The following PSG8 variants were observed in gnomAD, a reference collection of about 807,000 sequenced individuals.
The protein encoded by PSG8 is pregnancy specific beta-1-glycoprotein 8.
Under a neutral mutation model 42.5 loss-of-function variants are expected in PSG8, and 57 were observed. The ratio of observed to expected loss-of-function variants is 1.34; its 90% confidence interval spans 1.08 to 1.67. The LOEUF (loss-of-function observed/expected upper bound fraction) is 1.67. Ranked by LOEUF, PSG8 falls within the 40% of genes most tolerant of loss-of-function variation. PSG8 has a pLI of 0.00. For synonymous variants in PSG8, 280 were observed against 196.8 expected (o/e 1.42, Z -3.54); for missense variants, 783 against 518.6 (o/e 1.51, Z -4.95).
chr19:42,763,769 G>T, intron 2 of PSG8, 147 bp downstream of exon 2: 3 of 1,452,318 alleles, frequency 2.1e-6, no homozygotes, highest in Non-Finnish European at 1.9e-6. Flanking sequence ...TCTCCTCTGT[G>T]TGTGTCCTGC....
In PSG8 at chr19:42,760,614, A is replaced by G. The variant is rs867306243; in HGVS notation, c.431-2334T>C. On this transcript the variant is annotated intron_variant, in intron 2 of 4. Coordinates refer to ENST00000306511, the MANE Select transcript of PSG8 (RefSeq NM_182707.3). ...TTTTTTTTTTCTGAGACAGAGTCTC[A>G]CTCTGTCACCCTGGCTGGAGTGCAG... 7.3e-5 allele frequency among the ~76,000 whole-genome samples: 11 copies of G among 151,442 alleles called. No individual in the cohort carries two copies. The Middle Eastern group carries it at 0.01, about 141-fold the overall frequency.
intron 2 of PSG8, chr19:42,763,567 A>T (rs1382765972): frequency 5.5e-6 from 2 of 360,772 alleles, no homozygotes; most frequent in South Asian, 5.5e-5. Context: ...AGAGTATCTC[A>T]GGGGCTCCTC....
intron 1 of PSG8, 41 bp from the exon 2 acceptor site, chr19:42,764,322 G>A (rs1970160098): frequency 6.3e-7 from 1 of 1,579,732 alleles, no homozygotes; most frequent in East Asian, 2.2e-5. Context: ...TGAGAGCTAT[G>A]TATTGGTGTG....
chr19:42,758,457 A>G, intron 2 of PSG8, 177 bp from the exon 3 acceptor site: 1 of 1,339,660 alleles, frequency 7.5e-7, no homozygotes, highest in South Asian at 1.5e-5. Flanking sequence ...AGAGGTTGTG[A>G]GGCTGCCTGC....
chr19:42,755,702 A>C, intron 3 of PSG8: 1 of 226,600 alleles, frequency 4.4e-6, no homozygotes, highest in Non-Finnish European at 8.7e-6. Flanking sequence ...GACATTCTAG[A>C]GATGAGTAAT....
chr19:42,763,936 T>A lies in PSG8; in HGVS notation c.410A>T (p.His137Leu), dbSNP rs1226712137. Residue 137 changes from histidine (H) to leucine (L), a missense_variant, in exon 2 of 5, where the codon CAT becomes CTT. Coordinates refer to ENST00000306511, the MANE Select transcript of PSG8 (RefSeq NM_182707.3). ...GGDENRGVTG[H>L]FTFTLYLETP... ...CTCACGATATAAGGTGAAGGTGAAA[T>A]GTCCAGTTACTCCTCTATTCTCATC... 2.5e-6 allele frequency: 4 copies of A among 1,613,694 alleles called. No individual in the cohort carries two copies. In the South Asian group the frequency reaches 4.4e-5, roughly 18 times the overall value.
At chr19:42,762,599 G>C (rs988727385) in intron 2 of PSG8, among the ~76,000 whole-genome samples, 8 of 152,050 alleles carry the variant, frequency 5.3e-5, no homozygotes, top group African/African-American at 1.9e-4. Context: ...TGCTGGTGTA[G>C]GGTGTGAGTG....
intron 1 of PSG8, among the ~76,000 whole-genome samples, chr19:42,764,821 A>G (rs910371590): frequency 2.0e-5 from 3 of 151,932 alleles, no homozygotes; most frequent in African/African-American, 7.3e-5. Flanking sequence ...CAGTGCCCAG[A>G]ACAGGCTGCA....
At position 42,755,047 on chromosome 19, in the gene PSG8, C is replaced by T. The variant is rs1969884730; in HGVS notation, c.929G>A (p.Cys310Tyr). Residue 310 changes from cysteine (C) to tyrosine (Y), a missense_variant, in exon 4 of 5, where the codon TGT (cysteine) becomes TAT (tyrosine). Cys to Tyr is a radical substitution (Grantham distance 194). Transcript: ENST00000306511. ...GCCACCATATTGGTCCCTTATTTCA[C>T]ATTGATAGGGTCCTGTTTCATTTCT... The part of the protein sequence containing the change: ...VTRNETGPYQ[C>Y]EIRDQYGGIR... The T allele has an allele frequency of 6.2e-7, 1 of 1,613,066 alleles. No homozygotes were observed. The highest frequency in any genetic ancestry group is 8.5e-7 in the Non-Finnish European group (1 of 1,179,776).
chr19:42,763,097 A>G (rs1367538222), intron 2 of PSG8, among the ~76,000 whole-genome samples: 1 of 152,170 alleles, frequency 6.6e-6, no homozygotes, highest in Non-Finnish European at 1.5e-5. Context: ...CACCTGACCT[A>G]ATGCTTGGCA....
At chr19:42,760,301 C>G (rs1254847333) in intron 2 of PSG8, among the ~76,000 whole-genome samples, 1 of 152,128 alleles carries the variant, frequency 6.6e-6, no homozygotes, top group Admixed American at 6.5e-5. Context: ...ATAGCACCCA[C>G]CTGGCCACCT....
rs1473646620 is a variant in PSG8 at position 42,757,960 on chromosome 19, T to C, written c.709+42A>G. The C allele has an allele frequency of 3.7e-6, 6 of 1,613,982 alleles. No homozygotes were observed. In the South Asian group the frequency reaches 6.6e-5, roughly 18 times the overall value. On this transcript the variant is annotated intron_variant, in intron 3 of 4. Coordinates refer to ENST00000306511, the MANE Select transcript of PSG8 (RefSeq NM_182707.3). ...GGCCTGGTCTCTGGCCACGTGTATTTGGGATGGCAGCCTGGCTCACAGAGG... is the reference window on the plus strand; with the variant it reads ...GGCCTGGTCTCTGGCCACGTGTATTCGGGATGGCAGCCTGGCTCACAGAGG...
At chr19:42,764,935 G>T (rs539949239) in intron 1 of PSG8, among the ~76,000 whole-genome samples, 5 of 152,114 alleles carry the variant, frequency 3.3e-5, no homozygotes, top group East Asian at 1.9e-4. Context: ...TTCATGCCCT[G>T]TGTATATTTT....
intron 2 of PSG8, 94 bp downstream of exon 2, chr19:42,763,822 G>A: frequency 6.3e-7 from 1 of 1,599,108 alleles, no homozygotes; most frequent in East Asian, 2.2e-5. Context: ...TGCAGAGAGG[G>A]ACACAGGCAA....
rs140758943 is a variant in PSG8 at position 42,758,240 on chromosome 19, G to C, written c.471C>G (p.Asn157Lys). Residue 157 changes from asparagine to lysine, a missense_variant, in exon 3 of 5, where the codon AAC becomes AAG. Coordinates refer to ENST00000306511, the MANE Select transcript of PSG8 (RefSeq NM_182707.3). ...TCACAGCCTCCATGGCCTCCCTGGG[G>C]TTTAATTTGCTGCTGGAGATGGAGG... Reference protein sequence around the residue: ...PKPSISSSKLNPREAMEAVSL... With the variant: ...PKPSISSSKLKPREAMEAVSL... 2.8e-5 allele frequency: 46 copies of C among 1,614,038 alleles called. No individual in the cohort carries two copies. Among genetic ancestry groups the C allele is most frequent in the Middle Eastern group, 3.3e-4 (2 of 6,052 alleles).
rs1969865295 is a variant in PSG8, at chr19:42,754,535, T to C, written c.1041A>G (p.Gly347=). 12 of 1,613,648 alleles carry C rather than the reference T, an allele frequency of 7.4e-6. No individual in the cohort carries two copies. The highest frequency in any genetic ancestry group is 1.0e-5 in the Non-Finnish European group (12 of 1,179,800). Reference sequence around the variant, plus strand: ...CAGAACAGGACAAGTAGAGGACTTCTCCTGAACGGTAATAGGTGAATGAAG... The same window carrying C: ...CAGAACAGGACAAGTAGAGGACTTCCCCTGAACGGTAATAGGTGAATGAAG... The part of the protein sequence containing the change: ...IYPSFTYYRS[G]EVLYLSCSAD... Residue 347 remains glycine (G), a synonymous_variant, in exon 5 of 5, where the codon GGA becomes GGG. Coordinates refer to ENST00000306511, the MANE Select transcript of PSG8 (RefSeq NM_182707.3).
chr19:42,755,025 A>G lies in PSG8; in HGVS notation c.951T>C (p.Gly317=). ...GGGTGACTGGGTAACTGCGGATGCCACCATATTGGTCCCTTATTTCACATT... is the reference window on the plus strand; with the variant it reads ...GGGTGACTGGGTAACTGCGGATGCCGCCATATTGGTCCCTTATTTCACATT... ...PYQCEIRDQY[G]GIRSYPVTLN... The change falls in exon 4 of 5, where the codon GGT becomes GGC. Residue 317 remains glycine, a synonymous_variant. Transcript: ENST00000306511. 1 of 1,613,282 alleles carries G rather than the reference A, an allele frequency of 6.2e-7. No homozygotes were observed. The highest frequency in any genetic ancestry group is 8.5e-7 in the Non-Finnish European group (1 of 1,179,740).
chr19:42,758,309 C>T lies in PSG8; in HGVS notation c.431-29G>A, dbSNP rs191455963. 15,690 of 1,601,562 alleles carry T rather than the reference C, an allele frequency of 9.8e-3. 188 individuals carry two copies. The highest frequency in any genetic ancestry group is 0.026 in the South Asian group (2,320 of 89,940). On this transcript the variant is annotated intron_variant, in intron 2 of 4. Coordinates refer to ENST00000306511, the MANE Select transcript of PSG8 (RefSeq NM_182707.3). ...TGCAGAAAACAGAGAGAAGATTGCCCTGTGTGGCACCTTTGATTCCTCCAA... is the reference window on the plus strand; with the variant it reads ...TGCAGAAAACAGAGAGAAGATTGCCTTGTGTGGCACCTTTGATTCCTCCAA...
intron 3 of PSG8, among the ~76,000 whole-genome samples, chr19:42,757,674 A>T (rs148996968): frequency 1.3e-5 from 2 of 152,288 alleles, no homozygotes; most frequent in African/African-American, 4.8e-5. Flanking sequence ...CACCACAATC[A>T]CAGTGACCCT....
Sources: gnomAD v4.1 joint callset for allele counts (sites outside exome capture counted in the v4.1 genomes callset) on GRCh38, gnomAD v4.1.1 for gene constraint, MANE v1.5 for transcripts, NCBI Gene and HGNC (gene_info 2026-07-23, HGNC 2026-07-21) for gene names.